PRKG1: variants seen among roughly 807,000 people sequenced by gnomAD.
The protein encoded by PRKG1 is cGMP-dependent protein kinase 1.
PRKG1 carries 35 observed loss-of-function variants against 88.1 expected under a neutral mutation model. That is an observed-to-expected ratio of 0.40 (90% confidence interval 0.30 to 0.53). The LOEUF is 0.53. PRKG1 is among the 20% of genes least tolerant of loss of function. PRKG1 has a pLI of 0.59. For synonymous variants in PRKG1, 303 were observed against 292.5 expected (o/e 1.04, Z -0.37); for missense variants, 540 against 839.8 (o/e 0.64, Z 4.41).
chr10:52,059,491 A>G (rs1028868086), intron 6 of PRKG1, among the ~76,000 whole-genome samples: 2 of 151,694 alleles, frequency 1.3e-5, no homozygotes, highest in Admixed American at 1.3e-4. Context: ...AACAACTTGG[A>G]TGAATCTTAA....
intron 4 of PRKG1, among the ~76,000 whole-genome samples, chr10:51,898,699 C>T (rs1451620926): frequency 6.6e-6 from 1 of 152,062 alleles, no homozygotes; most frequent in African/African-American, 2.4e-5. Flanking sequence ...CATCTGTAGT[C>T]CTAACTACTC....
At chr10:51,058,209 T>C (rs1160195235) in intron 1 of PRKG1, among the ~76,000 whole-genome samples, 1 of 152,148 alleles carries the variant, frequency 6.6e-6, no homozygotes, top group African/African-American at 2.4e-5. Flanking sequence ...TCTTGACTTA[T>C]GAGTTTTAGG....
intron 2 of PRKG1, among the ~76,000 whole-genome samples, chr10:51,176,815 A>G (rs1405497691): frequency 2.6e-5 from 4 of 152,200 alleles, no homozygotes; most frequent in African/African-American, 7.2e-5. Context: ...CAGTAGACCA[A>G]TGTGACACTA....
At chr10:51,303,259 C>G (rs1840941517) in intron 2 of PRKG1, among the ~76,000 whole-genome samples, 1 of 152,000 alleles carries the variant, frequency 6.6e-6, no homozygotes, top group African/African-American at 2.4e-5. Context: ...AGTTTCCGTG[C>G]AATGTTTGCT....
At chr10:51,723,719 A>G (rs546656950) in intron 3 of PRKG1, among the ~76,000 whole-genome samples, 15 of 152,346 alleles carry the variant, frequency 9.8e-5, no homozygotes, top group African/African-American at 3.6e-4. Flanking sequence ...CAAAATATTT[A>G]ACATAAAAAA....
At chr10:51,589,167 C>G (rs1294921989) in intron 3 of PRKG1, among the ~76,000 whole-genome samples, 1 of 152,060 alleles carries the variant, frequency 6.6e-6, no homozygotes, top group East Asian at 1.9e-4. Flanking sequence ...ACTACTCAGT[C>G]AATTGTTGTG....
chr10:52,170,890 A>T (rs1351827754), intron 9 of PRKG1, among the ~76,000 whole-genome samples: 2 of 152,070 alleles, frequency 1.3e-5, no homozygotes, highest in Non-Finnish European at 2.9e-5. Flanking sequence ...GGCGGCTTTC[A>T]GACAGAACGG....
intron 5 of PRKG1, among the ~76,000 whole-genome samples, chr10:52,027,778 T>C (rs1180512596): frequency 1.3e-5 from 2 of 151,614 alleles, no homozygotes; most frequent in Non-Finnish European, 2.9e-5. Flanking sequence ...CTGTTCTATC[T>C]TTATTATTAT....
chr10:51,996,291 G>A (rs1260582123), intron 5 of PRKG1, among the ~76,000 whole-genome samples: 1 of 122,452 alleles, frequency 8.2e-6, no homozygotes, highest in Non-Finnish European at 1.6e-5. Context: ...CTCCAGCCTA[G>A]GTGACAGAGT....
At chr10:52,242,604 A>C (rs1840895693) in intron 9 of PRKG1, among the ~76,000 whole-genome samples, 1 of 152,138 alleles carries the variant, frequency 6.6e-6, no homozygotes, top group Admixed American at 6.6e-5. Context: ...TTTTTAGAAA[A>C]AGAAAAATTT....
At position 51,454,363 on chromosome 10, in the gene PRKG1, A is replaced by G. The variant is rs375728613; in HGVS notation, c.479-13360A>G. ...CAAACTATACTACAAGGCTACAGTT[A>G]CCAAAATAGCATGGTACTGGTAAAA... On this transcript the variant is annotated intron_variant, in intron 2 of 17. Coordinates refer to ENST00000373980, the MANE Select transcript of PRKG1 (RefSeq NM_006258.4). Among the ~76,000 whole-genome samples the G allele has an allele frequency of 7.9e-5, 12 of 151,124 alleles. 1 individual carries two copies. The East Asian group carries it at 1.4e-3, about 17-fold the overall frequency.
chr10:52,186,254 A>T (rs9415080), intron 9 of PRKG1, among the ~76,000 whole-genome samples: 38,846 of 152,092 alleles, frequency 0.26, 5,972 homozygotes, highest in Admixed American at 0.41. Context: ...AAGCAGGCAT[A>T]TCATAGGATT....
intron 2 of PRKG1, among the ~76,000 whole-genome samples, chr10:51,358,254 G>A (rs751136367): frequency 1.2e-4 from 18 of 151,794 alleles, no homozygotes; most frequent in Non-Finnish European, 2.2e-4. Flanking sequence ...CTCCATGGAG[G>A]CCTCTTATTC....
At chr10:52,018,704 AG>A (rs1171177901) in intron 5 of PRKG1, among the ~76,000 whole-genome samples, 23 of 152,190 alleles carry the variant, frequency 1.5e-4, no homozygotes, top group East Asian at 9.6e-4. Flanking sequence ...AATTGTACCG[AG>A]CAGAGTAAAA....
intron 2 of PRKG1, among the ~76,000 whole-genome samples, chr10:51,204,973 C>CA (rs984535332): frequency 4.6e-5 from 7 of 151,972 alleles, no homozygotes; most frequent in African/African-American, 1.7e-4. Context: ...TGTACTTTCC[C>CA]ATGCTGTTGG....
intron 1 of PRKG1, among the ~76,000 whole-genome samples, chr10:51,101,133 G>A (rs1432660592): frequency 1.3e-5 from 2 of 151,912 alleles, no homozygotes; most frequent in South Asian, 2.1e-4. Flanking sequence ...CTTAATCCTC[G>A]AACCTCTCCT....
intron 2 of PRKG1, among the ~76,000 whole-genome samples, chr10:51,354,918 A>G (rs908700978): frequency 1.3e-5 from 2 of 152,102 alleles, no homozygotes; most frequent in African/African-American, 4.8e-5. Flanking sequence ...TGACAGTTAT[A>G]GGGAGGACCC....
At chr10:51,529,497 A>T (rs540121882) in intron 3 of PRKG1, among the ~76,000 whole-genome samples, 52 of 152,142 alleles carry the variant, frequency 3.4e-4, no homozygotes, top group African/African-American at 9.7e-4. Context: ...TCACCTGCTC[A>T]CTTCTTTATA....
intron 2 of PRKG1, among the ~76,000 whole-genome samples, chr10:51,219,733 T>A (rs906619661): frequency 2.6e-5 from 4 of 151,134 alleles, no homozygotes; most frequent in Non-Finnish European, 4.4e-5. Flanking sequence ...TAATAAAATT[T>A]AAAAAAAAGG....
Sources: gnomAD v4.1 joint callset for allele counts (sites outside exome capture counted in the v4.1 genomes callset) on GRCh38, gnomAD v4.1.1 for gene constraint, MANE v1.5 for transcripts, NCBI Gene and HGNC (gene_info 2026-07-23, HGNC 2026-07-21) for gene names.